The following LRRC49 variants were observed in gnomAD, a reference collection of about 807,000 sequenced individuals.
The protein encoded by LRRC49 is leucine rich repeat containing 49.
LRRC49 carries 50 observed loss-of-function variants against 83.3 expected under a neutral mutation model. That is an observed-to-expected ratio of 0.60 (90% CI 0.48 to 0.76). The LOEUF (loss-of-function observed/expected upper bound fraction) is 0.76. LRRC49 is among the 30% of genes least tolerant of loss of function. LRRC49 has a pLI of 0.00. For missense variants in LRRC49, 704 were observed against 809.1 expected (o/e 0.87, Z 1.58); for synonymous variants, 286 against 283.3 (o/e 1.01, Z -0.10).
intron 9 of LRRC49, among the ~76,000 whole-genome samples, chr15:70,977,088 T>C (rs1156558191): frequency 1.3e-5 from 2 of 152,166 alleles, no homozygotes; most frequent in African/African-American, 4.8e-5. Context: ...CTGTTTGAAA[T>C]TGGCTCTTTG....
chr15:70,948,446 A>C (rs2036090564), intron 8 of LRRC49, among the ~76,000 whole-genome samples: 1 of 151,504 alleles, frequency 6.6e-6, no homozygotes, highest in Non-Finnish European at 1.5e-5. Flanking sequence ...TATTAATATT[A>C]CAGGGGGTCA....
chr15:70,993,285 C>T (rs1186421440), intron 11 of LRRC49, among the ~76,000 whole-genome samples: 1 of 152,234 alleles, frequency 6.6e-6, no homozygotes, highest in Non-Finnish European at 1.5e-5. Context: ...TCTGTCACAG[C>T]TTCCCTTGGC....
At chr15:71,020,109 CA>C (rs1366877001) in intron 14 of LRRC49, among the ~76,000 whole-genome samples, 1 of 151,738 alleles carries the variant, frequency 6.6e-6, no homozygotes, top group Non-Finnish European at 1.5e-5. Flanking sequence ...TAAGAAATTG[CA>C]AAAAGTGATC....
At chr15:70,892,292 C>T (rs930415884), upstream of LRRC49, 1 of 1,552,116 alleles carries the variant, frequency 6.4e-7, no homozygotes, top group Non-Finnish European at 8.7e-7. Context: ...CTTCGGTGCG[C>T]GGGAGCCGGG....
rs928052114 is a variant in LRRC49, at chr15:70,922,438, C to T, written c.711+3245C>T. Among the ~76,000 whole-genome samples the T allele has an allele frequency of 3.9e-5, 6 of 152,034 alleles. No homozygotes were observed. The East Asian group carries it at 5.8e-4, about 15-fold the overall frequency. ...AAGCCAGGAATGGAAAAACACATAT[C>T]GCATGTTCTCACTTATTTGTGGGAT... is the stretch of plus-strand genomic sequence containing the variant. On this transcript the variant is annotated intron_variant, in intron 7 of 15. Transcript: ENST00000260382.
At chr15:70,888,423 A>G (rs1016580667), upstream of LRRC49, among the ~76,000 whole-genome samples, 3 of 152,230 alleles carry the variant, frequency 2.0e-5, no homozygotes, top group East Asian at 1.9e-4. Flanking sequence ...AAGAAATGCT[A>G]GTAGTTTCAA....
intron 11 of LRRC49, among the ~76,000 whole-genome samples, chr15:70,993,406 C>T (rs879689755): frequency 1.3e-5 from 2 of 152,190 alleles, no homozygotes; most frequent in Non-Finnish European, 2.9e-5. Flanking sequence ...CACTGTCCAA[C>T]AAGCCCCAGT....
intron 11 of LRRC49, among the ~76,000 whole-genome samples, chr15:70,993,346 T>C (rs1288195625): frequency 6.6e-6 from 1 of 152,202 alleles, no homozygotes; most frequent in East Asian, 1.9e-4. Context: ...AGGTGATGCC[T>C]CACCCTGCTT....
intron 6 of LRRC49, among the ~76,000 whole-genome samples, chr15:70,915,751 C>T (rs1340821971): frequency 6.6e-6 from 1 of 152,108 alleles, no homozygotes; most frequent in Non-Finnish European, 1.5e-5. Flanking sequence ...TGTTAATACT[C>T]ATAATCTTGT....
At chr15:70,936,458 T>G (rs1451807233) in intron 7 of LRRC49, 4 of 280,166 alleles carry the variant, frequency 1.4e-5, no homozygotes, top group Admixed American at 4.9e-5. Flanking sequence ...ACAGTTGAAG[T>G]GCTGAAGTAG....
intron 14 of LRRC49, among the ~76,000 whole-genome samples, chr15:71,022,043 A>G (rs551234072): frequency 1.3e-5 from 2 of 152,312 alleles, no homozygotes; most frequent in South Asian, 2.1e-4. Flanking sequence ...ATCCACCTCA[A>G]TGATAAAATG....
At position 70,879,139 on chromosome 15, in the gene LRRC49, T is replaced by G. The variant is rs1176825609; in HGVS notation, c.18+5916T>G. Among the ~76,000 whole-genome samples, 3 of 152,234 alleles carry G rather than the reference T, an allele frequency of 2.0e-5. No homozygotes were observed. In the East Asian group the frequency reaches 5.8e-4, roughly 29 times the overall value. ...TTTAACAGATATAGGCGCTTCAGAC[T>G]TTCTGTTTCTCCTTGTGCCAGTTTC... is the stretch of plus-strand genomic sequence containing the variant. On this transcript the variant is annotated intron_variant, in intron 2 of 16. Coordinates refer to the LRRC49 transcript ENST00000544974.
At chr15:70,874,808 C>A (rs185395415) in intron 2 of LRRC49, among the ~76,000 whole-genome samples, 2 of 152,344 alleles carry the variant, frequency 1.3e-5, no homozygotes, top group East Asian at 3.9e-4. Flanking sequence ...GATTTTCAAT[C>A]TCTAAAGCTT....
At chr15:71,016,143 A>C (rs1392985279) in intron 14 of LRRC49, among the ~76,000 whole-genome samples, 1 of 152,188 alleles carries the variant, frequency 6.6e-6, no homozygotes, top group Non-Finnish European at 1.5e-5. Flanking sequence ...AGGATTCCAA[A>C]GTACATAGAT....
At chr15:70,905,537 T>C (rs1176132784) in intron 5 of LRRC49, among the ~76,000 whole-genome samples, 1 of 152,194 alleles carries the variant, frequency 6.6e-6, no homozygotes, top group African/African-American at 2.4e-5. Context: ...CGACACTCTA[T>C]AACGAAGACA....
chr15:71,050,262 A>G lies in LRRC49; in HGVS notation c.*650A>G, dbSNP rs1249797663. On this transcript the variant is annotated 3_prime_UTR_variant, in exon 16 of 16. Coordinates refer to ENST00000260382, the MANE Select transcript of LRRC49 (RefSeq NM_017691.5). ...GCAGAGAATATGCAAATGAGTCAAA[A>G]CTGGGATAGGAAGAAAATGTTTTGT... 3 of 152,188 alleles carry G rather than the reference A, an allele frequency of 2.0e-5. No homozygotes were observed. The highest frequency in any genetic ancestry group is 4.4e-5 in the Non-Finnish European group (3 of 68,038). The allele number at this position is 152,188 out of a possible 1,614,324, so 9.4% of individuals were successfully genotyped here. A position where few individuals can be genotyped will look rare whatever the true frequency, so the allele number is the denominator to read the frequency against.
intron 5 of LRRC49, among the ~76,000 whole-genome samples, chr15:70,909,839 A>AACACACAC (rs146189261): frequency 0.069 from 9,439 of 136,042 alleles, 364 homozygotes; most frequent in South Asian, 0.13. Flanking sequence ...CTCCATCTCA[A>AACACACAC]ACACACACAC....
At chr15:70,990,113 C>G (rs1255987043) in intron 11 of LRRC49, among the ~76,000 whole-genome samples, 2 of 152,276 alleles carry the variant, frequency 1.3e-5, no homozygotes, top group South Asian at 2.1e-4. Flanking sequence ...GCAGTCTGCC[C>G]GTTCTCAGAT....
chr15:70,945,969 G>A (rs1304191133), intron 8 of LRRC49, among the ~76,000 whole-genome samples: 2 of 151,908 alleles, frequency 1.3e-5, no homozygotes, highest in Non-Finnish European at 2.9e-5. Flanking sequence ...ACAAATAAAA[G>A]TTGTATATAT....
Sources: gnomAD v4.1 joint callset for allele counts (sites outside exome capture counted in the v4.1 genomes callset) on GRCh38, gnomAD v4.1.1 for gene constraint, MANE v1.5 for transcripts, NCBI Gene and HGNC (gene_info 2026-07-23, HGNC 2026-07-21) for gene names.